Variants in SBNO2 observed in about 807,000 individuals in gnomAD.
SBNO2 encodes protein strawberry notch homolog 2.
In SBNO2, 89 loss-of-function variants were observed where a neutral mutation model predicts 146.3. The ratio of observed to expected loss-of-function variants is 0.61; its 90% CI spans 0.51 to 0.73. The LOEUF (loss-of-function observed/expected upper bound fraction) is 0.73, where lower values mean the gene tolerates loss of function less well. Among genes scored for constraint, SBNO2 ranks in the 30% least tolerant of loss-of-function variants. SBNO2 has a pLI of 0.00. For missense variants in SBNO2, 2,092 were observed against 2,003.7 expected (o/e 1.04, Z -0.84); for synonymous variants, 1,147 against 892.6 (o/e 1.29, Z -5.08).
chr19:1,108,714 G>A lies in SBNO2; in HGVS notation c.3617-10C>T, dbSNP rs573603595. On this transcript the variant is annotated splice_polypyrimidine_tract_variant and intron_variant, in intron 31 of 31. Coordinates refer to ENST00000361757, the MANE Select transcript of SBNO2 (RefSeq NM_014963.3). Reference sequence around the variant, plus strand: ...TCGGGGATCTTGATGCCTGCGGGCAGAGCGTCGGGGTCAGGGCCGGCGCTG... The same window carrying A: ...TCGGGGATCTTGATGCCTGCGGGCAAAGCGTCGGGGTCAGGGCCGGCGCTG... 2.8e-5 allele frequency: 43 copies of A among 1,559,282 alleles called. No individual in the cohort carries two copies. In the South Asian group the frequency reaches 4.6e-4, roughly 17 times the overall value.
In SBNO2 at chr19:1,158,829, C is replaced by T. The variant is rs1386877867; in HGVS notation, c.-126-4427G>A. Among the ~76,000 whole-genome samples the T allele has an allele frequency of 5.9e-5, 9 of 152,288 alleles. No individual in the cohort carries two copies. The highest frequency in any genetic ancestry group is 2.6e-4 in the Admixed American group (4 of 15,310). Reference sequence around the variant, plus strand: ...ACAGAGCCACGGCCATAAGACAGAGCGGACTTGCGGCCTCCGGTGACCTCA... The same window carrying T: ...ACAGAGCCACGGCCATAAGACAGAGTGGACTTGCGGCCTCCGGTGACCTCA... On this transcript the variant is annotated intron_variant, in intron 1 of 31. Coordinates refer to ENST00000361757, the MANE Select transcript of SBNO2 (RefSeq NM_014963.3). The surrounding 1 kb of genome is among the most constrained non-coding windows in gnomAD (Gnocchi z 9.9).
chr19:1,122,655 C>A lies in SBNO2; in HGVS notation c.914+3G>T. On this transcript the variant is annotated splice_donor_region_variant and intron_variant, in intron 9 of 31. Coordinates refer to ENST00000361757, the MANE Select transcript of SBNO2 (RefSeq NM_014963.3). ...CCGCCCCCTGCCCCAGGCAGGGCCT[C>A]ACCACAATGCTTTCTTCCGGCCGCG... is the stretch of plus-strand genomic sequence containing the variant. 1.3e-6 allele frequency: 2 copies of A among 1,533,920 alleles called. No individual in the cohort carries two copies. Among genetic ancestry groups the A allele is most frequent in the African/African-American group, 2.7e-5 (2 of 72,898 alleles).
At chr19:1,129,966 C>T (rs533963083) in intron 4 of SBNO2, among the ~76,000 whole-genome samples, 240 of 152,306 alleles carry the variant, frequency 1.6e-3, no homozygotes, top group Middle Eastern at 3.4e-3. Flanking sequence ...CGCCCAGGGT[C>T]CTCCACCCAA....
chr19:1,147,506 C>T (rs2145298777), intron 3 of SBNO2, 86 bp from the exon 4 acceptor site: 1 of 771,386 alleles, frequency 1.3e-6, no homozygotes, highest in Non-Finnish European at 2.0e-6. Context: ...TGGCCGCAGC[C>T]AGAGGCCCCT....
At chr19:1,149,178 G>A (rs1475744108) in intron 3 of SBNO2, among the ~76,000 whole-genome samples, 191 bp downstream of exon 3, 1 of 149,340 alleles carries the variant, frequency 6.7e-6, no homozygotes, top group Non-Finnish European at 1.5e-5. Context: ...ACAAAACAGC[G>A]TTCCACAAAC....
chr19:1,117,058 CGG>C, intron 15 of SBNO2, 132 bp from the exon 16 acceptor site: 1 of 886,912 alleles, frequency 1.1e-6, no homozygotes. Context: ...GGAGGGGCCA[CGG>C]CCCCCCTACA....
At chr19:1,151,825 G>T (rs1315572467) in intron 2 of SBNO2, among the ~76,000 whole-genome samples, 1 of 152,180 alleles carries the variant, frequency 6.6e-6, no homozygotes, top group Non-Finnish European at 1.5e-5. Flanking sequence ...ACCACGCCCA[G>T]CTAACTTTTG....
Position 1,122,903 on chromosome 19 carries a change from G to A in SBNO2, c.771C>T (p.Tyr257=), listed in dbSNP as rs201822355. 1.9e-5 allele frequency: 30 copies of A among 1,549,402 alleles called. No homozygotes were observed. The highest frequency in any genetic ancestry group is 4.8e-5 in the East Asian group (2 of 41,242). ...GGGGACATGCGGTCACCTGGCAGGC[G>A]TAGGTGATGGCCTCTAGCTGCAGGG... The part of the protein sequence containing the change: ...LSALQLEAIT[Y]ACQQHEVLLP... Residue 257 remains tyrosine, a synonymous_variant, in exon 8 of 32, where the codon TAC becomes TAT. Transcript: ENST00000361757.
rs1024211702 is a variant in SBNO2, at chr19:1,122,152, G to C, written c.1136C>G (p.Ala379Gly). The C allele has an allele frequency of 8.4e-5, 123 of 1,459,348 alleles. No homozygotes were observed. Among genetic ancestry groups the C allele is most frequent in the Non-Finnish European group, 1.1e-4 (119 of 1,099,734 alleles). 90.4% of individuals were successfully genotyped at this position (1,459,348 alleles called of 1,614,324 possible). The change falls in exon 11 of 32, where the codon GCC becomes GGC. Residue 379 changes from alanine to glycine, a missense_variant. By Grantham distance (60) the Ala-to-Gly change is moderately conservative (BLOSUM62 0). Coordinates refer to ENST00000361757, the MANE Select transcript of SBNO2 (RefSeq NM_014963.3). ...CCAGCAGGATACGACGCCCTCGAAG[G>C]CCTCCCCACACCAGTCCAGGATCTG... ...LRQILDWCGE[A>G]FEGVIVFDEC...
chr19:1,127,496 T>C, intron 5 of SBNO2, 108 bp downstream of exon 5: 1 of 1,054,790 alleles, frequency 9.5e-7, no homozygotes, highest in Non-Finnish European at 1.4e-6. Context: ...GCACAGCCAT[T>C]GGCACGCAGA....
Position 1,112,043 on chromosome 19 carries a change from G to A in SBNO2, c.2653C>T (p.Arg885Cys). 6.2e-7 allele frequency: 1 copy of A among 1,612,452 alleles called. No individual in the cohort carries two copies. The highest frequency in any genetic ancestry group is 8.5e-7 in the Non-Finnish European group (1 of 1,179,756). The change falls in exon 23 of 32, where the codon CGC becomes TGC. Residue 885 changes from arginine (R) to cysteine (C), a missense_variant. By Grantham distance (180) the Arg-to-Cys change is radical. Transcript: ENST00000361757. This position sits in a 1 kb window ranked among gnomAD's most constrained non-coding sequence, Gnocchi z 5.9. ...CTGAGGTCACGGGACTCCGTGGCGC[G>A]GCGGTCTCCGTGGGTCAGGGCCCCC... ...SLGALTHGDR[R>C]ATESRDLSKY... is the part of the protein sequence containing the mutation.
intron 4 of SBNO2, among the ~76,000 whole-genome samples, chr19:1,145,080 CAGAG>C (rs1200685195): frequency 1.3e-5 from 2 of 149,330 alleles, no homozygotes; most frequent in South Asian, 4.3e-4. Context: ...GAGGCAGAGA[CAGAG>C]AGGGAGATAG....
At position 1,113,389 on chromosome 19, in the gene SBNO2, A is replaced by G. The variant is rs894352099; in HGVS notation, c.2247+146T>C. 1.2e-5 allele frequency: 9 copies of G among 737,656 alleles called. No individual in the cohort carries two copies. In the Admixed American group the frequency reaches 1.6e-4, roughly 13 times the overall value. 45.7% of individuals were successfully genotyped at this position (737,656 alleles called of 1,614,324 possible). A position where few individuals can be genotyped will look rare whatever the true frequency, so the allele number is the denominator to read the frequency against. Reference sequence around the variant, plus strand: ...GAGCTGGACAGCACGCTGCTGCCCCAGGGCTCCCCAAACGCCCCCTCCTCG... The same window carrying G: ...GAGCTGGACAGCACGCTGCTGCCCCGGGGCTCCCCAAACGCCCCCTCCTCG... On this transcript the variant is annotated intron_variant, in intron 19 of 31. Transcript: ENST00000361757.
Position 1,109,634 on chromosome 19 carries a change from T to C in SBNO2, c.3124-36A>G. The C allele has an allele frequency of 2.1e-6, 1 of 472,414 alleles. No individual in the cohort carries two copies. 29.3% of individuals were successfully genotyped at this position (472,414 alleles called of 1,614,324 possible). A position where few individuals can be genotyped will look rare whatever the true frequency, so the allele number is the denominator to read the frequency against. ...ACGGGGTGGGGGGGTGTGAGTGTGG[T>C]GGGGGCGGGGTGGGCAGAGTGTGAG... On this transcript the variant is annotated intron_variant, in intron 27 of 31. Transcript: ENST00000361757. This position sits in a 1 kb window ranked among gnomAD's most constrained non-coding sequence, Gnocchi z 4.2.
In SBNO2 at chr19:1,114,371, G is replaced by T; in HGVS notation, c.1937C>A (p.Ala646Glu). 1.3e-6 allele frequency: 2 copies of T among 1,554,878 alleles called. No individual in the cohort carries two copies. The highest frequency in any genetic ancestry group is 1.7e-6 in the Non-Finnish European group (2 of 1,149,492). The change falls in exon 18 of 32, where the codon GCG (alanine) becomes GAG (glutamate). Residue 646 changes from alanine to glutamate, a missense_variant. Coordinates refer to ENST00000361757, the MANE Select transcript of SBNO2 (RefSeq NM_014963.3). ...GTCGTCACTGATGCGGATGACGCCC[G>T]CTGTCTCGCACGCCAGCCGGGGGGC... is the stretch of plus-strand genomic sequence containing the variant. ...AKAPRLACET[A>E]GVIRISDDSS...
chr19:1,119,414 G>A (rs2079872267), intron 13 of SBNO2, 102 bp downstream of exon 13: 2 of 993,036 alleles, frequency 2.0e-6, no homozygotes, highest in African/African-American at 1.6e-5. Flanking sequence ...ACCTCTGGGT[G>A]CTGGGGAAGC....
intron 4 of SBNO2, among the ~76,000 whole-genome samples, chr19:1,134,451 C>T (rs1021388412): frequency 1.4e-5 from 2 of 147,628 alleles, no homozygotes; most frequent in South Asian, 2.1e-4. Flanking sequence ...CACTGGAACA[C>T]GACCCAGCCA....
intron 1 of SBNO2, among the ~76,000 whole-genome samples, chr19:1,164,533 G>C (rs1351017121): frequency 3.1e-5 from 3 of 97,864 alleles, no homozygotes; most frequent in Admixed American, 1.0e-4. Flanking sequence ...ACAGGAGGAG[G>C]AGGAGGAGGA....
Position 1,112,308 on chromosome 19 carries a change from G to GT in SBNO2, c.2516-8_2516-7insA. On this transcript the variant is annotated splice_region_variant and splice_polypyrimidine_tract_variant and intron_variant, in intron 21 of 31. Coordinates refer to ENST00000361757, the MANE Select transcript of SBNO2 (RefSeq NM_014963.3). The surrounding 1 kb of genome is among the most constrained non-coding windows in gnomAD (Gnocchi z 5.9). ...TTGGACCGGTGGGTGCGGCCTGGGG[G>GT]CAGAGCTGCTCTCAGGGCCCGGCCA... 1 of 1,579,966 alleles carries GT rather than the reference G, an allele frequency of 6.3e-7. No homozygotes were observed. The highest frequency in any genetic ancestry group is 8.6e-7 in the Non-Finnish European group (1 of 1,164,328).
Sources: allele counts gnomAD v4.1 joint callset (sites outside exome capture counted in the v4.1 genomes callset), GRCh38; gene constraint gnomAD v4.1.1; non-coding constraint Gnocchi (gnomAD v3.1); transcripts MANE v1.5; gene names NCBI Gene and HGNC (gene_info 2026-07-23, HGNC 2026-07-21).